Variants in ZMAT4 observed in about 807,000 individuals in gnomAD.
The protein encoded by ZMAT4 is zinc finger matrin-type protein 4.
Under a neutral mutation model 28.7 loss-of-function variants are expected in ZMAT4, and 17 were observed. The observed-to-expected ratio is 0.59, with a 90% CI of 0.41 to 0.89. The LOEUF (loss-of-function observed/expected upper bound fraction) is 0.89. Ranked by LOEUF, ZMAT4 falls within the 40% of genes least tolerant of loss-of-function variation. ZMAT4 has a pLI of 0.00. For missense variants in ZMAT4, 240 were observed against 283.8 expected (o/e 0.85, Z 1.11); for synonymous variants, 117 against 109.2 (o/e 1.07, Z -0.44).
rs189696079 is a variant in ZMAT4, at chr8:40,540,509, T to C, written c.675-8271A>G. ...TGGGACCCTCCTAGACCTTCTTATATACATCTTGTCATTTGGTTGGTCCTG... is the reference window on the plus strand; with the variant it reads ...TGGGACCCTCCTAGACCTTCTTATACACATCTTGTCATTTGGTTGGTCCTG... On this transcript the variant is annotated intron_variant, in intron 6 of 6. Coordinates refer to ENST00000297737, the MANE Select transcript of ZMAT4 (RefSeq NM_024645.3). Among the ~76,000 whole-genome samples, 389 of 152,302 alleles carry C rather than the reference T, an allele frequency of 2.6e-3. 2 individuals carry two copies. Among genetic ancestry groups the C allele is most frequent in the Admixed American group, 1.3e-3 (20 of 15,304 alleles).
intron 5 of ZMAT4, among the ~76,000 whole-genome samples, chr8:40,642,299 G>T (rs1807068490): frequency 6.6e-6 from 1 of 152,154 alleles, no homozygotes; most frequent in Non-Finnish European, 1.5e-5. Context: ...TGTTCTAGCG[G>T]GTGAACATTC....
chr8:40,811,181 C>CT (rs1213795137), intron 2 of ZMAT4, among the ~76,000 whole-genome samples: 1 of 152,048 alleles, frequency 6.6e-6, no homozygotes, highest in Non-Finnish European at 1.5e-5. Flanking sequence ...CCCCCAAATG[C>CT]TGAAGGAGCC....
intron 3 of ZMAT4, among the ~76,000 whole-genome samples, chr8:40,719,420 G>T (rs981437474): frequency 1.3e-5 from 2 of 151,852 alleles, no homozygotes; most frequent in Non-Finnish European, 2.9e-5. Flanking sequence ...TGGGTGTCAC[G>T]CAAGATTCTG....
At chr8:40,763,005 T>A (rs1208452078) in intron 3 of ZMAT4, among the ~76,000 whole-genome samples, 6 of 152,200 alleles carry the variant, frequency 3.9e-5, no homozygotes, top group Non-Finnish European at 8.8e-5. Flanking sequence ...CCCACTCTTT[T>A]TTATTTAGCT....
chr8:40,831,733 G>A (rs1299159166), intron 1 of ZMAT4, among the ~76,000 whole-genome samples: 3 of 152,122 alleles, frequency 2.0e-5, no homozygotes, highest in Non-Finnish European at 4.4e-5. Flanking sequence ...TGCCTTTAAG[G>A]TAGGATTTCT....
chr8:40,756,426 T>TATATATATATATATATATATA (rs1812683324), intron 3 of ZMAT4, among the ~76,000 whole-genome samples: 4 of 73,284 alleles, frequency 5.5e-5, no homozygotes, highest in Non-Finnish European at 9.6e-5. Flanking sequence ...AAATGTTCTT[T>TATATATATATATATATATATA]TATATATATA....
chr8:40,584,033 G>C (rs914686837), intron 5 of ZMAT4, among the ~76,000 whole-genome samples: 8 of 152,148 alleles, frequency 5.3e-5, no homozygotes. Context: ...GAGGTGTGTA[G>C]CTTTTGAAAT....
At chr8:40,585,281 T>C (rs1253566514) in intron 5 of ZMAT4, among the ~76,000 whole-genome samples, 1 of 152,150 alleles carries the variant, frequency 6.6e-6, no homozygotes, top group African/African-American at 2.4e-5. Context: ...CTGACAACTT[T>C]TCAGGTACAA....
At chr8:40,854,849 G>A (rs1047878591) in intron 1 of ZMAT4, among the ~76,000 whole-genome samples, 6 of 152,234 alleles carry the variant, frequency 3.9e-5, no homozygotes, top group South Asian at 2.1e-4. Context: ...GAAATACTGC[G>A]AGATACCCTA....
At chr8:40,667,745 G>A (rs1020847539) in intron 5 of ZMAT4, among the ~76,000 whole-genome samples, 2 of 150,394 alleles carry the variant, frequency 1.3e-5, no homozygotes, top group Non-Finnish European at 2.9e-5. Flanking sequence ...AGAACAAGTT[G>A]AATGATTTGA....
At chr8:40,696,102 A>T (rs531742048) in intron 4 of ZMAT4, among the ~76,000 whole-genome samples, 131 of 152,252 alleles carry the variant, frequency 8.6e-4, no homozygotes, top group African/African-American at 3.0e-3. Flanking sequence ...GCTGAAACAC[A>T]ACCTGTGCCC....
intron 1 of ZMAT4, among the ~76,000 whole-genome samples, chr8:40,890,929 C>T (rs143349473): frequency 7.9e-5 from 12 of 152,006 alleles, no homozygotes; most frequent in East Asian, 2.0e-4. Context: ...TCACTCCCAG[C>T]GGCTCCTCTG....
At chr8:40,735,638 T>TG (rs1486195759) in intron 3 of ZMAT4, among the ~76,000 whole-genome samples, 2 of 152,196 alleles carry the variant, frequency 1.3e-5, no homozygotes, top group Non-Finnish European at 2.9e-5. Flanking sequence ...TTATAGCCAC[T>TG]TTTTCAACTC....
At chr8:40,686,023 G>A (rs1371155733) in intron 4 of ZMAT4, among the ~76,000 whole-genome samples, 3 of 152,118 alleles carry the variant, frequency 2.0e-5, no homozygotes, top group African/African-American at 7.2e-5. Context: ...GGCTTCACTT[G>A]CACCTCAGCC....
chr8:40,763,669 A>G (rs1438152879), intron 3 of ZMAT4, among the ~76,000 whole-genome samples: 1 of 152,210 alleles, frequency 6.6e-6, no homozygotes, highest in Admixed American at 6.5e-5. Flanking sequence ...ACTTTGGTCA[A>G]GTCATGGTAC....
intron 4 of ZMAT4, among the ~76,000 whole-genome samples, chr8:40,696,333 G>T (rs368440454): frequency 6.6e-6 from 1 of 152,174 alleles, no homozygotes; most frequent in East Asian, 1.9e-4. Flanking sequence ...GCTCTCTCCA[G>T]TTTGCAAAAT....
chr8:40,551,033 C>T (rs1803354773), intron 6 of ZMAT4, among the ~76,000 whole-genome samples: 1 of 152,076 alleles, frequency 6.6e-6, no homozygotes, highest in African/African-American at 2.4e-5. Context: ...GCCATTGTAT[C>T]TATTATGCTT....
intron 5 of ZMAT4, among the ~76,000 whole-genome samples, chr8:40,590,140 C>T (rs928126827): frequency 1.3e-5 from 2 of 151,436 alleles, no homozygotes; most frequent in Admixed American, 1.3e-4. Context: ...CTCCCTCAGC[C>T]TCCTTAGTAT....
At chr8:40,705,715 A>C (rs983534243) in intron 3 of ZMAT4, among the ~76,000 whole-genome samples, 1 of 152,226 alleles carries the variant, frequency 6.6e-6, no homozygotes. Context: ...ACATAGCAAT[A>C]ATTTTTGTGG....
Sources: allele counts gnomAD v4.1 joint callset (sites outside exome capture counted in the v4.1 genomes callset), GRCh38; gene constraint gnomAD v4.1.1; transcripts MANE v1.5; gene names NCBI Gene and HGNC (gene_info 2026-07-23, HGNC 2026-07-21).